The following PFKFB2 variants were observed in gnomAD, a reference collection of about 807,000 sequenced individuals.
The protein encoded by PFKFB2 is 6-phosphofructo-2-kinase/fructose-2,6-biphosphatase 2, also known as 6-phosphofructo-2-kinase/fructose-2,6-bisphosphatase 2.
In PFKFB2, 53 loss-of-function variants were observed where a neutral mutation model predicts 68.0. The ratio of observed to expected loss-of-function variants is 0.78; its 90% CI spans 0.63 to 0.98. PFKFB2 has a LOEUF of 0.98. Ranked by LOEUF, PFKFB2 falls within the 50% of genes least tolerant of loss-of-function variation. The pLI is 0.00. For synonymous variants in PFKFB2, 222 were observed against 227.6 expected (o/e 0.98, Z 0.22); for missense variants, 451 against 642.0 (o/e 0.70, Z 3.22).
chr1:207,050,703 A>G (rs756786190), upstream of PFKFB2: 29 of 1,612,980 alleles, frequency 1.8e-5, no homozygotes, highest in South Asian at 5.5e-5. Flanking sequence ...TGGATGGGCA[A>G]GTCTTCCAGA....
chr1:207,048,300 A>G (rs1328796484), upstream of PFKFB2: 1 of 152,722 alleles, frequency 6.5e-6, no homozygotes, highest in East Asian at 1.9e-4. Context: ...AACAGGGCAC[A>G]ATCAGTTCCT....
Position 207,075,670 on chromosome 1 carries a change from T to A in PFKFB2, c.*3299T>A. On this transcript the variant is annotated 3_prime_UTR_variant, in exon 15 of 15. Transcript: ENST00000367080. ...TGGTTGCTGTGGCTTATACCTGTAGTCCCAGATACTTGGGAGGCTGAGGCA... is the reference window on the plus strand; with the variant it reads ...TGGTTGCTGTGGCTTATACCTGTAGACCCAGATACTTGGGAGGCTGAGGCA... 11 of 973,668 alleles carry A rather than the reference T, an allele frequency of 1.1e-5. No individual in the cohort carries two copies. Among genetic ancestry groups the A allele is most frequent in the Non-Finnish European group, 1.3e-5 (11 of 819,192 alleles). The allele number at this position is 973,668 out of a possible 1,614,324, so 60.3% of individuals were successfully genotyped here.
rs182408520 is a variant in PFKFB2, at chr1:207,065,443, G to A, written c.632+283G>A. On this transcript the variant is annotated intron_variant, in intron 8 of 14. Transcript: ENST00000367080. ...AGGGCCCACTGCAACTGCTGCCCCCGGGGCTCAGGTGATCCTCCCACCTCA... is the reference window on the plus strand; with the variant it reads ...AGGGCCCACTGCAACTGCTGCCCCCAGGGCTCAGGTGATCCTCCCACCTCA... The A allele has an allele frequency of 6.1e-4, 182 of 297,734 alleles. 4 individuals carry two copies. The highest frequency in any genetic ancestry group is 5.4e-3 in the Admixed American group (84 of 15,438). 18.4% of individuals were successfully genotyped at this position (297,734 alleles called of 1,614,324 possible).
intron 12 of PFKFB2, 86 bp from the exon 13 acceptor site, chr1:207,071,102 T>G: frequency 4.1e-4 from 441 of 1,072,736 alleles, no homozygotes; most frequent in Non-Finnish European, 5.5e-4. Flanking sequence ...AAACTCATTA[T>G]GAGCTCTGTA....
rs1683508183 is a variant in PFKFB2 at position 207,072,838 on chromosome 1, C to A, written c.*467C>A. 1.0e-6 allele frequency: 1 copy of A among 990,578 alleles called. No individual in the cohort carries two copies. Among genetic ancestry groups the A allele is most frequent in the Non-Finnish European group, 1.2e-6 (1 of 833,480 alleles). 61.4% of individuals were successfully genotyped at this position (990,578 alleles called of 1,614,324 possible). A position where few individuals can be genotyped will look rare whatever the true frequency, so the allele number is the denominator to read the frequency against. On this transcript the variant is annotated 3_prime_UTR_variant, in exon 15 of 15. Transcript: ENST00000367080. ...TTCAATGTGTGTTTTCCTCACACTC[C>A]TTACTTGACTGCTTTCTTCCCCCAC...
At chr1:207,053,904 A>ATTTTTTTT (rs574695365) in intron 1 of PFKFB2, among the ~76,000 whole-genome samples, 3 of 97,894 alleles carry the variant, frequency 3.1e-5, no homozygotes, top group Admixed American at 1.1e-4. Flanking sequence ...TTCATTTTTC[A>ATTTTTTTT]TTTTTTTTTT....
At chr1:207,057,447 C>T (rs1682961837) in intron 2 of PFKFB2, among the ~76,000 whole-genome samples, 1 of 150,074 alleles carries the variant, frequency 6.7e-6, no homozygotes, top group Non-Finnish European at 1.5e-5. Flanking sequence ...CACTGCACTA[C>T]AGCCTGGGTG....
upstream of PFKFB2, chr1:207,050,929 C>A (rs1161979096): frequency 1.3e-6 from 2 of 1,588,162 alleles, no homozygotes; most frequent in African/African-American, 2.7e-5. Flanking sequence ...GCCAGGCACC[C>A]GCGGGGCCAG....
In PFKFB2 at chr1:207,074,442, C is replaced by A; in HGVS notation, c.*2071C>A. The A allele has an allele frequency of 1.0e-6, 1 of 985,412 alleles. No individual in the cohort carries two copies. Among genetic ancestry groups the A allele is most frequent in the Non-Finnish European group, 1.2e-6 (1 of 829,928 alleles). 61.0% of individuals were successfully genotyped at this position (985,412 alleles called of 1,614,324 possible). A position where few individuals can be genotyped will look rare whatever the true frequency, so the allele number is the denominator to read the frequency against. ...TTAAATAATTGTCTCTAGAGAGCAGCTGGGGATTTTAAGCACCCTGGAGAG... is the reference window on the plus strand; with the variant it reads ...TTAAATAATTGTCTCTAGAGAGCAGATGGGGATTTTAAGCACCCTGGAGAG... On this transcript the variant is annotated 3_prime_UTR_variant, in exon 15 of 15. Transcript: ENST00000367080.
rs1683585975 is a variant in PFKFB2, at chr1:207,075,097, A to G, written c.*2726A>G. 1 of 985,380 alleles carries G rather than the reference A, an allele frequency of 1.0e-6. No individual in the cohort carries two copies. The highest frequency in any genetic ancestry group is 4.7e-5 in the South Asian group (1 of 21,292). 61.0% of individuals were successfully genotyped at this position (985,380 alleles called of 1,614,324 possible). On this transcript the variant is annotated 3_prime_UTR_variant, in exon 15 of 15. Transcript: ENST00000367080. ...ATGAGAAGAGGGAGCACTTTGATCC[A>G]CAGACTTTGGATTAACACTGTACCC... is the stretch of plus-strand genomic sequence containing the variant.
chr1:207,078,968 A>G (rs1035156201), downstream of PFKFB2: 9 of 1,612,504 alleles, frequency 5.6e-6, no homozygotes, highest in Non-Finnish European at 7.6e-6. Flanking sequence ...CAGAGACCAC[A>G]CTGGCTGTGC....
chr1:207,042,035 A>C (rs1296915019), intron 1 of PFKFB2: 1 of 152,216 alleles, frequency 6.6e-6, no homozygotes, highest in Non-Finnish European at 1.5e-5. Context: ...CTTTGCAACA[A>C]TATCTATCCT....
At chr1:207,059,289 A>G (rs758761840) in intron 2 of PFKFB2, among the ~76,000 whole-genome samples, 2 of 152,198 alleles carry the variant, frequency 1.3e-5, no homozygotes, top group Non-Finnish European at 1.5e-5. Context: ...GGAGGGTAAT[A>G]GGACCTTCGG....
chr1:207,054,164 A>G (rs1433632195), intron 1 of PFKFB2, among the ~76,000 whole-genome samples: 2 of 151,822 alleles, frequency 1.3e-5, no homozygotes, highest in South Asian at 4.2e-4. Flanking sequence ...AGCCTCCCCA[A>G]GTGTTGGAAT....
chr1:207,068,850 C>T (rs528356983), intron 10 of PFKFB2, among the ~76,000 whole-genome samples: 31 of 151,776 alleles, frequency 2.0e-4, no homozygotes, highest in East Asian at 1.9e-3. Context: ...TGGGTTCAAG[C>T]AATTCTCTCC....
chr1:207,064,564 A>T (rs1216057259), intron 7 of PFKFB2, among the ~76,000 whole-genome samples: 1 of 152,130 alleles, frequency 6.6e-6, no homozygotes, highest in Admixed American at 6.5e-5. Flanking sequence ...TCCCCATTGG[A>T]TGGGTTGTGC....
At chr1:207,062,473 G>C in intron 3 of PFKFB2, 147 bp from the exon 4 acceptor site, 4 of 1,269,406 alleles carry the variant, frequency 3.2e-6, no homozygotes, top group Non-Finnish European at 3.3e-6. Flanking sequence ...CAACTCTTTT[G>C]ACTCTTAATC....
intron 8 of PFKFB2, among the ~76,000 whole-genome samples, chr1:207,065,652 G>A (rs1368310300): frequency 6.6e-6 from 1 of 152,062 alleles, no homozygotes; most frequent in African/African-American, 2.4e-5. Context: ...GCGCCTGGCT[G>A]GAAGTGTTTT....
In PFKFB2 at chr1:207,076,492, C is replaced by G. The variant is rs1683626042; in HGVS notation, c.*4121C>G. On this transcript the variant is annotated 3_prime_UTR_variant, in exon 15 of 15. Transcript: ENST00000367080. Reference sequence around the variant, plus strand: ...ATTTTGACTTATTGAAAATATGTAACAACTGAGTCGGGTTGCAGCACTGGT... The same window carrying G: ...ATTTTGACTTATTGAAAATATGTAAGAACTGAGTCGGGTTGCAGCACTGGT... 1.0e-6 allele frequency: 1 copy of G among 985,182 alleles called. No homozygotes were observed. The highest frequency in any genetic ancestry group is 1.7e-5 in the African/African-American group (1 of 57,202). 61.0% of individuals were successfully genotyped at this position (985,182 alleles called of 1,614,324 possible). A position where few individuals can be genotyped will look rare whatever the true frequency, so the allele number is the denominator to read the frequency against.
Sources: gnomAD v4.1 joint callset for allele counts (sites outside exome capture counted in the v4.1 genomes callset) on GRCh38, gnomAD v4.1.1 for gene constraint, MANE v1.5 for transcripts, NCBI Gene and HGNC (gene_info 2026-07-23, HGNC 2026-07-21) for gene names.